HAND1: variants seen among roughly 807,000 people sequenced by gnomAD.
The protein encoded by HAND1 is heart and neural crest derivatives expressed 1.
In HAND1, 10 loss-of-function variants were observed where a neutral mutation model predicts 14.5. The observed-to-expected ratio is 0.69, with a 90% CI of 0.42 to 1.17. The LOEUF (loss-of-function observed/expected upper bound fraction) is 1.17, where lower values mean the gene tolerates loss of function less well. HAND1 is among the 50% of genes most tolerant of loss of function. The pLI is 0.00. For missense variants in HAND1, 299 were observed against 298.4 expected, an observed-to-expected ratio of 1.00 and a Z score of -0.01; for synonymous variants, 128 against 127.1, an observed-to-expected ratio of 1.01 and a Z score of -0.05.
chr5:154,477,882 G>T lies in HAND1; in HGVS notation c.127C>A (p.Gln43Lys). Residue 43 changes from glutamine to lysine, a missense_variant, in exon 1 of 2, where the codon CAG (glutamine) becomes AAG (lysine). Transcript: ENST00000231121. The part of the protein sequence containing the change: ...SRCHQERPYF[Q>K]SWLLSPADAA... Reference sequence around the variant, plus strand: ...TCAGCCGGGCTCAGCAGCCAGCTCTGGAAGTAGGGCCTTTCCTGATGACAG... The same window carrying T: ...TCAGCCGGGCTCAGCAGCCAGCTCTTGAAGTAGGGCCTTTCCTGATGACAG... 1 of 1,601,084 alleles carries T rather than the reference G, an allele frequency of 6.2e-7. No homozygotes were observed. The highest frequency in any genetic ancestry group is 8.5e-7 in the Non-Finnish European group (1 of 1,179,854).
In HAND1 at chr5:154,477,496, G is replaced by T. The variant is rs1411946003; in HGVS notation, c.513C>A (p.Gly171=). Residue 171 remains glycine, a synonymous_variant, in exon 1 of 2, where the codon GGC becomes GGA. Coordinates refer to ENST00000231121, the MANE Select transcript of HAND1 (RefSeq NM_004821.3). The part of the protein sequence containing the change: ...AFKAELKKAD[G]GRESKRKREL... Reference sequence around the variant, plus strand: ...CCCTTTTCCGCTTGCTCTCACGGCCGCCATCCGCCTTCTTGAGTTCAGCCT... The same window carrying T: ...CCCTTTTCCGCTTGCTCTCACGGCCTCCATCCGCCTTCTTGAGTTCAGCCT... 6.2e-7 allele frequency: 1 copy of T among 1,613,938 alleles called. No individual in the cohort carries two copies. Among genetic ancestry groups the T allele is most frequent in the East Asian group, 2.2e-5 (1 of 44,884 alleles).
chr5:154,477,654 C>A lies in HAND1; in HGVS notation c.355G>T (p.Glu119Ter), dbSNP rs1400422414. ...TCGGCCGGCACGTTGGGGATGCACT[C>A]GCGCAACTCCGCGAATGCGCTGTTA... ...SINSAFAELR[E>*]CIPNVPADTK... Residue 119 changes from glutamate (E) to a stop codon, truncating the protein, a stop_gained, in exon 1 of 2, where the codon GAG (glutamate) becomes TAG (stop). Coordinates refer to ENST00000231121, the MANE Select transcript of HAND1 (RefSeq NM_004821.3). LOFTEE classifies it high-confidence loss of function. 6.2e-7 allele frequency: 1 copy of A among 1,614,228 alleles called. No homozygotes were observed. The highest frequency in any genetic ancestry group is 8.5e-7 in the Non-Finnish European group (1 of 1,180,040).
In HAND1 at chr5:154,477,807, C is replaced by G. The variant is rs374965548; in HGVS notation, c.202G>C (p.Ala68Pro). The change falls in exon 1 of 2, where the codon GCC becomes CCC. Residue 68 changes from alanine (A) to proline (P), a missense_variant. Physicochemically the swap from Ala to Pro is conservative, Grantham distance 27. Transcript: ENST00000231121. ...GCGTCAGGACCATAGGCGGTGGCGG[C>G]TGCAGCGGCCGCGGGCGGCGGCCCG... Reference protein sequence around the residue: ...AGGPPPAAAAAATAYGPDARP... With the variant: ...AGGPPPAAAAPATAYGPDARP... 1.7e-5 allele frequency: 27 copies of G among 1,587,894 alleles called. No homozygotes were observed. In the African/African-American group the frequency reaches 3.0e-4, roughly 17 times the overall value.
In HAND1 at chr5:154,475,434, A is replaced by T; in HGVS notation, c.*372T>A. The T allele has an allele frequency of 3.9e-6, 1 of 253,662 alleles. No individual in the cohort carries two copies. The highest frequency in any genetic ancestry group is 7.7e-6 in the Non-Finnish European group (1 of 129,082). The allele number at this position is 253,662 out of a possible 1,614,324, so 15.7% of individuals were successfully genotyped here. On this transcript the variant is annotated 3_prime_UTR_variant, in exon 2 of 2. Coordinates refer to ENST00000231121, the MANE Select transcript of HAND1 (RefSeq NM_004821.3). Reference sequence around the variant, plus strand: ...ATGGAGGGACAAGAGAGAAAGAGCCAGATAGGGAAATGGAGATAGGGCTGA... The same window carrying T: ...ATGGAGGGACAAGAGAGAAAGAGCCTGATAGGGAAATGGAGATAGGGCTGA...
At chr5:154,476,728 C>G (rs1261925929) in intron 1 of HAND1, among the ~76,000 whole-genome samples, 1 of 152,172 alleles carries the variant, frequency 6.6e-6, no homozygotes, top group Non-Finnish European at 1.5e-5. Flanking sequence ...CCTGAAAACC[C>G]AGCGCTCAGA....
rs1582055538 is a variant in HAND1, at chr5:154,475,663, A to T, written c.*143T>A. Reference sequence around the variant, plus strand: ...TCCAAGTGTGTGGTTGCAGCCGACGACCTGCCGGCGCTCAGCAGAAGCTCC... The same window carrying T: ...TCCAAGTGTGTGGTTGCAGCCGACGTCCTGCCGGCGCTCAGCAGAAGCTCC... On this transcript the variant is annotated 3_prime_UTR_variant, in exon 2 of 2. Coordinates refer to ENST00000231121, the MANE Select transcript of HAND1 (RefSeq NM_004821.3). The T allele has an allele frequency of 1.5e-6, 1 of 680,534 alleles. No homozygotes were observed. The highest frequency in any genetic ancestry group is 2.7e-6 in the Non-Finnish European group (1 of 372,612). The allele number at this position is 680,534 out of a possible 1,614,324, so 42.2% of individuals were successfully genotyped here.
Position 154,477,800 on chromosome 5 carries a change from G to T in HAND1, c.209C>A (p.Thr70Asn). ...AGGCCTGGCGTCAGGACCATAGGCG[G>T]TGGCGGCTGCAGCGGCCGCGGGCGG... ...GPPPAAAAAA[T>N]AYGPDARPGQ... The change falls in exon 1 of 2, where the codon ACC becomes AAC. Residue 70 changes from threonine (T) to asparagine (N), a missense_variant. Thr to Asn is a moderately conservative substitution (Grantham distance 65, BLOSUM62 0). Transcript: ENST00000231121. 6.3e-7 allele frequency: 1 copy of T among 1,589,504 alleles called. No individual in the cohort carries two copies. The highest frequency in any genetic ancestry group is 8.5e-7 in the Non-Finnish European group (1 of 1,172,522).
chr5:154,476,112 G>A (rs906670588), intron 1 of HAND1, among the ~76,000 whole-genome samples: 6 of 152,160 alleles, frequency 3.9e-5, no homozygotes, highest in Admixed American at 2.0e-4. Flanking sequence ...GAGTTCCTGG[G>A]ACCCGGGATG....
At chr5:154,476,259 C>A (rs1164334226) in intron 1 of HAND1, among the ~76,000 whole-genome samples, 1 of 152,134 alleles carries the variant, frequency 6.6e-6, no homozygotes, top group African/African-American at 2.4e-5. Flanking sequence ...ACGGTTCTCC[C>A]GCTCTCGCTG....
Position 154,477,508 on chromosome 5 carries a change from C to T in HAND1, c.501G>A (p.Lys167=), listed in dbSNP as rs759358821. The T allele has an allele frequency of 6.2e-7, 1 of 1,614,220 alleles. No individual in the cohort carries two copies. Among genetic ancestry groups the T allele is most frequent in the South Asian group, 1.1e-5 (1 of 91,088 alleles). ...TGCTCTCACGGCCGCCATCCGCCTT[C>T]TTGAGTTCAGCCTTGAAGGCCTCGG... is the stretch of plus-strand genomic sequence containing the variant. ...GDPEAFKAEL[K]KADGGRESKR... is the part of the protein sequence containing the mutation. Residue 167 remains lysine, a synonymous_variant, in exon 1 of 2, where the codon AAG becomes AAA. Transcript: ENST00000231121.
chr5:154,478,079 G>A lies in HAND1; in HGVS notation c.-71C>T. On this transcript the variant is annotated 5_prime_UTR_variant, in exon 1 of 2. Transcript: ENST00000231121. The surrounding 1 kb of genome is among the most constrained non-coding windows in gnomAD (Gnocchi z 4.5). Reference sequence around the variant, plus strand: ...TCCATGCGCCCCAGAGACTGCCGGGGGCCACCTGTGGGCTCTGGAGCCACT... The same window carrying A: ...TCCATGCGCCCCAGAGACTGCCGGGAGCCACCTGTGGGCTCTGGAGCCACT... The A allele has an allele frequency of 6.4e-7, 1 of 1,563,698 alleles. No homozygotes were observed.
chr5:154,475,999 G>A (rs1483114268), intron 1 of HAND1, 89 bp from the exon 2 acceptor site: 2 of 941,106 alleles, frequency 2.1e-6, no homozygotes, highest in Non-Finnish European at 3.4e-6. Flanking sequence ...AAGATGAGGA[G>A]GAGGGGAAGG....
chr5:154,477,961 C>A lies in HAND1; in HGVS notation c.48G>T (p.Pro16=), dbSNP rs776997898. The A allele has an allele frequency of 6.3e-7, 1 of 1,598,244 alleles. No individual in the cohort carries two copies. Among genetic ancestry groups the A allele is most frequent in the Non-Finnish European group, 8.5e-7 (1 of 1,179,820 alleles). The change falls in exon 1 of 2, where the codon CCG becomes CCT. Residue 16 remains proline (P), a synonymous_variant. Transcript: ENST00000231121. The part of the protein sequence containing the change: ...SYAHHHHHHH[P]HPAHPMLHEP... ...CGTGGAGCATGGGGTGCGCAGGGTGCGGGTGGTGATGGTGGTGATGGTGTG... is the reference window on the plus strand; with the variant it reads ...CGTGGAGCATGGGGTGCGCAGGGTGAGGGTGGTGATGGTGGTGATGGTGTG...
Position 154,477,652 on chromosome 5 carries a change from C to T in HAND1, c.357G>A (p.Glu119=). 1 of 1,614,246 alleles carries T rather than the reference C, an allele frequency of 6.2e-7. No individual in the cohort carries two copies. Among genetic ancestry groups the T allele is most frequent in the Non-Finnish European group, 8.5e-7 (1 of 1,180,046 alleles). The change falls in exon 1 of 2, where the codon GAG becomes GAA. Residue 119 remains glutamate (E), a synonymous_variant. Coordinates refer to ENST00000231121, the MANE Select transcript of HAND1 (RefSeq NM_004821.3). ...SINSAFAELR[E]CIPNVPADTK... ...TGTCGGCCGGCACGTTGGGGATGCA[C>T]TCGCGCAACTCCGCGAATGCGCTGT...
In HAND1 at chr5:154,475,878, G is replaced by A. The variant is rs752250641; in HGVS notation, c.576C>T (p.Gly192=). The stretch of plus-strand genomic sequence containing the variant: ...GTCCTTTAATCCTCTTCTCGACTGG[G>A]CCCAGGGCAGGAGGAAAACCTTCGT... ...QQHEGFPPAL[G]PVEKRIKGRT... is the part of the protein sequence containing the mutation. The change falls in exon 2 of 2, where the codon GGC becomes GGT. Residue 192 remains glycine (G), a synonymous_variant. Transcript: ENST00000231121. 6.2e-7 allele frequency: 1 copy of A among 1,614,032 alleles called. No individual in the cohort carries two copies. Among genetic ancestry groups the A allele is most frequent in the Non-Finnish European group, 8.5e-7 (1 of 1,179,886 alleles).
Position 154,475,750 on chromosome 5 carries a change from C to T in HAND1, c.*56G>A. On this transcript the variant is annotated 3_prime_UTR_variant, in exon 2 of 2. Coordinates refer to ENST00000231121, the MANE Select transcript of HAND1 (RefSeq NM_004821.3). ...CTGGCGTTCGCCGCTGCCTTCCTCTCCTCCCGGGGCTTCAGGAGTGGCTGG... is the reference window on the plus strand; with the variant it reads ...CTGGCGTTCGCCGCTGCCTTCCTCTTCTCCCGGGGCTTCAGGAGTGGCTGG... 7.9e-7 allele frequency: 1 copy of T among 1,269,436 alleles called. No individual in the cohort carries two copies. The allele number at this position is 1,269,436 out of a possible 1,614,324, so 78.6% of individuals were successfully genotyped here.
At position 154,478,130 on chromosome 5, in the gene HAND1, C is replaced by A. The variant is rs1188601372; in HGVS notation, c.-122G>T. ...ACTGGGCGCCGGCTTTGGGAGAGTC[C>A]GGGCAAGGCTGAAAATGAGACGCGC... On this transcript the variant is annotated 5_prime_UTR_variant, in exon 1 of 2. Transcript: ENST00000231121. This position sits in a 1 kb window ranked among gnomAD's most constrained non-coding sequence, Gnocchi z 4.5. The A allele has an allele frequency of 2.7e-5, 29 of 1,089,252 alleles. No homozygotes were observed. The highest frequency in any genetic ancestry group is 3.6e-5 in the Non-Finnish European group (27 of 741,912). The allele number at this position is 1,089,252 out of a possible 1,614,324, so 67.5% of individuals were successfully genotyped here.
Position 154,478,078 on chromosome 5 carries a change from G to A in HAND1, c.-70C>T, listed in dbSNP as rs1757579356. ...CTCCATGCGCCCCAGAGACTGCCGG[G>A]GGCCACCTGTGGGCTCTGGAGCCAC... On this transcript the variant is annotated 5_prime_UTR_variant, in exon 1 of 2. Transcript: ENST00000231121. This position sits in a 1 kb window ranked among gnomAD's most constrained non-coding sequence, Gnocchi z 4.5. 26 of 1,571,876 alleles carry A rather than the reference G, an allele frequency of 1.7e-5. No individual in the cohort carries two copies. The highest frequency in any genetic ancestry group is 8.4e-5 in the Admixed American group (5 of 59,658).
chr5:154,475,584 T>C lies in HAND1; in HGVS notation c.*222A>G, dbSNP rs1757527874. Reference sequence around the variant, plus strand: ...GTTGGGCTGGGGGTGGATATATATATATTTCTCTTTCTCTTAATGTATTAA... The same window carrying C: ...GTTGGGCTGGGGGTGGATATATATACATTTCTCTTTCTCTTAATGTATTAA... On this transcript the variant is annotated 3_prime_UTR_variant, in exon 2 of 2. Coordinates refer to ENST00000231121, the MANE Select transcript of HAND1 (RefSeq NM_004821.3). The C allele has an allele frequency of 1.7e-6, 1 of 576,072 alleles. No homozygotes were observed. The highest frequency in any genetic ancestry group is 1.9e-5 in the African/African-American group (1 of 53,248). The allele number at this position is 576,072 out of a possible 1,614,324, so 35.7% of individuals were successfully genotyped here. A position where few individuals can be genotyped will look rare whatever the true frequency, so the allele number is the denominator to read the frequency against.
Sources: allele counts gnomAD v4.1 joint callset (sites outside exome capture counted in the v4.1 genomes callset), GRCh38; gene constraint gnomAD v4.1.1; non-coding constraint Gnocchi (gnomAD v3.1); transcripts MANE v1.5; gene names NCBI Gene and HGNC (gene_info 2026-07-23, HGNC 2026-07-21).